The following PLEKHH1 variants were observed in gnomAD, a reference collection of about 807,000 sequenced individuals.
The protein encoded by PLEKHH1 is pleckstrin homology domain-containing family H member 1.
A neutral mutation model predicts 160.0 loss-of-function variants in PLEKHH1; 104 were observed. The observed-to-expected ratio is 0.65, with a 90% confidence interval of 0.55 to 0.76. The LOEUF is 0.76. Among genes scored for constraint, PLEKHH1 ranks in the 30% least tolerant of loss-of-function variants. PLEKHH1 has a pLI of 0.00. For synonymous variants in PLEKHH1, 619 were observed against 678.4 expected, an observed-to-expected ratio of 0.91 and a Z score of 1.36; for missense variants, 1,427 against 1,724.1, an observed-to-expected ratio of 0.83 and a Z score of 3.05.
chr14:67,543,515 C>A (rs1223859122), intron 2 of PLEKHH1, among the ~76,000 whole-genome samples: 5 of 152,226 alleles, frequency 3.3e-5, no homozygotes, highest in Non-Finnish European at 7.3e-5. Context: ...ACGTAGAGTG[C>A]TTGTTAAGCA....
At chr14:67,555,340 G>A (rs959469055) in intron 2 of PLEKHH1, among the ~76,000 whole-genome samples, 2 of 152,264 alleles carry the variant, frequency 1.3e-5, no homozygotes, top group African/African-American at 4.8e-5. Flanking sequence ...GCCCTCGACT[G>A]TGGGTGAGGA....
At chr14:67,571,981 G>A in intron 10 of PLEKHH1, 79 bp downstream of exon 10, 2 of 1,509,274 alleles carry the variant, frequency 1.3e-6, no homozygotes, top group Non-Finnish European at 9.0e-7. Context: ...GAACATGGGC[G>A]TCCCCACTTG....
At chr14:67,555,631 G>A (rs1053906457) in intron 2 of PLEKHH1, among the ~76,000 whole-genome samples, 194 bp from the exon 3 acceptor site, 20 of 152,316 alleles carry the variant, frequency 1.3e-4, no homozygotes, top group African/African-American at 4.3e-4. Context: ...CTCTTCACCT[G>A]CCCCATGAAC....
intron 2 of PLEKHH1, among the ~76,000 whole-genome samples, chr14:67,548,848 A>C (rs563998627): frequency 6.6e-6 from 1 of 152,334 alleles, no homozygotes; most frequent in African/African-American, 2.4e-5. Flanking sequence ...TCACCAGCCA[A>C]GGTTTTGGAG....
chr14:67,558,060 A>G lies in PLEKHH1; in HGVS notation c.339+642A>G, dbSNP rs113249553. 1.6e-3 allele frequency among the ~76,000 whole-genome samples: 250 copies of G among 152,358 alleles called. 2 individuals carry two copies. The highest frequency in any genetic ancestry group is 5.7e-3 in the African/African-American group (235 of 41,580). On this transcript the variant is annotated intron_variant, in intron 4 of 28. Transcript: ENST00000329153. ...GGGAGCCCAGGAGAGGCCACTGCCC[A>G]GCATTTCAGCTCCACTTGGCACCTT...
chr14:67,584,334 A>G (rs1479217498), intron 26 of PLEKHH1, among the ~76,000 whole-genome samples: 1 of 152,168 alleles, frequency 6.6e-6, no homozygotes, highest in Admixed American at 6.5e-5. Context: ...ACTGCCCCAA[A>G]AGAAAAGATG....
chr14:67,560,840 C>T (rs903629144), intron 5 of PLEKHH1, among the ~76,000 whole-genome samples: 1 of 150,718 alleles, frequency 6.6e-6, no homozygotes, highest in Non-Finnish European at 1.5e-5. Flanking sequence ...AAGCAATTCT[C>T]CTGCCTCAGC....
chr14:67,578,413 C>T lies in PLEKHH1; in HGVS notation c.2752-121C>T, dbSNP rs184999762. ...TGACCAAGTTGGCCATCCCAGCACC[C>T]AGAGCAAGTTGGGGGCTCTGGTTTG... On this transcript the variant is annotated intron_variant, in intron 19 of 28. Transcript: ENST00000329153. This position sits in a 1 kb window ranked among gnomAD's most constrained non-coding sequence, Gnocchi z 5.0. The T allele has an allele frequency of 4.4e-4, 370 of 835,460 alleles. 2 individuals are homozygous for T. Among genetic ancestry groups the T allele is most frequent in the Middle Eastern group, 1.5e-3 (5 of 3,354 alleles). The allele number at this position is 835,460 out of a possible 1,614,324, so 51.8% of individuals were successfully genotyped here.
At chr14:67,557,526 C>A (rs2034644335) in intron 4 of PLEKHH1, 108 bp downstream of exon 4, 6 of 980,346 alleles carry the variant, frequency 6.1e-6, no homozygotes, top group Non-Finnish European at 9.1e-6. Context: ...GGGGAACTCG[C>A]TCCCTCCTGA....
Position 67,555,893 on chromosome 14 carries a change from C to A in PLEKHH1, c.189+6C>A. The stretch of plus-strand genomic sequence containing the variant: ...CAGAGAACGCTGAGACCCAGGTAAC[C>A]AGGGGAGGGGATCGGCGGGAATATG... On this transcript the variant is annotated splice_donor_region_variant and intron_variant, in intron 3 of 28. Coordinates refer to ENST00000329153, the MANE Select transcript of PLEKHH1 (RefSeq NM_020715.3). 6.2e-7 allele frequency: 1 copy of A among 1,613,256 alleles called. No homozygotes were observed.
At chr14:67,558,004 A>T (rs2034663928) in intron 4 of PLEKHH1, among the ~76,000 whole-genome samples, 1 of 152,242 alleles carries the variant, frequency 6.6e-6, no homozygotes, top group Non-Finnish European at 1.5e-5. Flanking sequence ...TTGCCTCCTC[A>T]GAAAACCAGG....
intron 1 of PLEKHH1, among the ~76,000 whole-genome samples, chr14:67,536,898 A>T (rs1191773202): frequency 6.6e-6 from 1 of 151,594 alleles, no homozygotes; most frequent in African/African-American, 2.4e-5. Flanking sequence ...AAAATTAGCC[A>T]GTGTGGTGGC....
At chr14:67,554,582 A>G (rs972735251) in intron 2 of PLEKHH1, among the ~76,000 whole-genome samples, 5 of 152,222 alleles carry the variant, frequency 3.3e-5, no homozygotes, top group African/African-American at 1.2e-4. Flanking sequence ...AGCGGGATGC[A>G]TGAATTTGCT....
chr14:67,534,747 TCACC>T (rs1329428252), intron 1 of PLEKHH1, among the ~76,000 whole-genome samples: 2 of 151,760 alleles, frequency 1.3e-5, no homozygotes, highest in Non-Finnish European at 2.9e-5. Context: ...TCTTCAGAAG[TCACC>T]AGCTGTAGGG....
chr14:67,537,645 A>G (rs1361662570), intron 1 of PLEKHH1, among the ~76,000 whole-genome samples: 1 of 152,180 alleles, frequency 6.6e-6, no homozygotes, highest in Non-Finnish European at 1.5e-5. Flanking sequence ...AGCCTGGGCA[A>G]CAGAGTGAGA....
intron 11 of PLEKHH1, among the ~76,000 whole-genome samples, chr14:67,572,996 G>A (rs1413567996): frequency 6.6e-6 from 1 of 152,174 alleles, no homozygotes; most frequent in Non-Finnish European, 1.5e-5. Context: ...TCCCTGGCCA[G>A]GCTCTCCCTC....
intron 2 of PLEKHH1, among the ~76,000 whole-genome samples, chr14:67,550,184 T>A (rs2034342077): frequency 6.8e-6 from 1 of 146,670 alleles, no homozygotes; most frequent in Non-Finnish European, 1.5e-5. Context: ...TGAAAACCAT[T>A]GTCTTTATAT....
intron 3 of PLEKHH1, 96 bp downstream of exon 3, chr14:67,555,983 A>C: frequency 3.4e-6 from 5 of 1,471,970 alleles, no homozygotes; most frequent in Non-Finnish European, 4.6e-6. Context: ...ATACATCACC[A>C]GCAGTACTGT....
In PLEKHH1 at chr14:67,576,302, A is replaced by G; in HGVS notation, c.2353-93A>G. 1.5e-6 allele frequency: 1 copy of G among 688,046 alleles called. No individual in the cohort carries two copies. The highest frequency in any genetic ancestry group is 2.5e-6 in the Non-Finnish European group (1 of 402,316). The allele number at this position is 688,046 out of a possible 1,614,324, so 42.6% of individuals were successfully genotyped here. On this transcript the variant is annotated intron_variant, in intron 16 of 28. Coordinates refer to ENST00000329153, the MANE Select transcript of PLEKHH1 (RefSeq NM_020715.3). The surrounding 1 kb of genome is among the most constrained non-coding windows in gnomAD (Gnocchi z 4.0). Reference sequence around the variant, plus strand: ...GCCAACCAAACTAGCTGAACCCCACATGGGCTTGGTCCCTTCAAGGAGTCC... The same window carrying G: ...GCCAACCAAACTAGCTGAACCCCACGTGGGCTTGGTCCCTTCAAGGAGTCC...
Sources: gnomAD v4.1 joint callset for allele counts (sites outside exome capture counted in the v4.1 genomes callset) on GRCh38, gnomAD v4.1.1 for gene constraint, Gnocchi (gnomAD v3.1) non-coding constraint, MANE v1.5 for transcripts, NCBI Gene and HGNC (gene_info 2026-07-23, HGNC 2026-07-21) for gene names.